MTUS2: variants seen among roughly 807,000 people sequenced by gnomAD.
MTUS2 encodes the protein microtubule associated scaffold protein 2, also known as microtubule-associated tumor suppressor candidate 2.
A neutral mutation model predicts 114.1 loss-of-function variants in MTUS2; 40 were observed. That is an observed-to-expected ratio of 0.35 (90% CI 0.27 to 0.46). MTUS2 has a LOEUF of 0.46. Ranked by LOEUF, MTUS2 falls within the 20% of genes least tolerant of loss-of-function variation. MTUS2 has a pLI of 1.00. For synonymous variants in MTUS2, 688 were observed against 672.0 expected (o/e 1.02, Z -0.37); for missense variants, 1,679 against 1,705.4 (o/e 0.98, Z 0.27).
intron 2 of MTUS2, among the ~76,000 whole-genome samples, chr13:28,937,618 C>G (rs1881979523): frequency 6.6e-6 from 1 of 152,192 alleles, no homozygotes; most frequent in African/African-American, 2.4e-5. Flanking sequence ...CAGTTTCACA[C>G]CGCCTGATGG....
intron 4 of MTUS2, among the ~76,000 whole-genome samples, chr13:29,081,379 A>C (rs1284036526): frequency 1.3e-5 from 2 of 152,090 alleles, no homozygotes; most frequent in Non-Finnish European, 2.9e-5. Context: ...CGACTAAAAC[A>C]TACTATATAT....
intron 5 of MTUS2, among the ~76,000 whole-genome samples, chr13:29,110,857 T>C (rs942186465): frequency 6.6e-6 from 1 of 152,200 alleles, no homozygotes; most frequent in Non-Finnish European, 1.5e-5. Context: ...ATTCAATATG[T>C]TTAATGAAGA....
chr13:28,891,830 A>T (rs1235680460), intron 2 of MTUS2, among the ~76,000 whole-genome samples: 1 of 144,506 alleles, frequency 6.9e-6, no homozygotes, highest in Non-Finnish European at 1.5e-5. Context: ...GTGAGCCGAG[A>T]TCACGCCACT....
At chr13:29,082,282 G>A (rs1241968257) in intron 4 of MTUS2, among the ~76,000 whole-genome samples, 2 of 152,158 alleles carry the variant, frequency 1.3e-5, no homozygotes, top group African/African-American at 4.8e-5. Context: ...AATGTCTGTT[G>A]TTTAAGCCAC....
intron 8 of MTUS2, among the ~76,000 whole-genome samples, chr13:29,423,216 C>T (rs887880092): frequency 6.6e-6 from 1 of 152,186 alleles, no homozygotes; most frequent in African/African-American, 2.4e-5. Context: ...GCCCAAGGCC[C>T]CATGCTGATT....
intron 2 of MTUS2, among the ~76,000 whole-genome samples, chr13:28,871,828 A>G (rs558042748): frequency 2.1e-4 from 32 of 152,290 alleles, no homozygotes; most frequent in African/African-American, 5.8e-4. Context: ...TGTCATGCAA[A>G]AGAGCCCACC....
At chr13:29,318,315 C>T (rs1900098257) in intron 6 of MTUS2, among the ~76,000 whole-genome samples, 1 of 142,352 alleles carries the variant, frequency 7.0e-6, no homozygotes, top group Non-Finnish European at 1.5e-5. Context: ...ATAGCATTCT[C>T]TTAAATCTTG....
chr13:29,221,130 A>G (rs1156478102), intron 5 of MTUS2, among the ~76,000 whole-genome samples: 1 of 152,126 alleles, frequency 6.6e-6, no homozygotes, highest in Non-Finnish European at 1.5e-5. Context: ...TTAGCTTCTC[A>G]CCTGCCTGTG....
At chr13:29,158,358 C>CCCCCCCCTTCT in intron 5 of MTUS2, among the ~76,000 whole-genome samples, 4 of 32,048 alleles carry the variant, frequency 1.2e-4, no homozygotes, top group African/African-American at 4.1e-4. Context: ...GTCCACCCCG[C>CCCCCCCCTTCT]TTTTTTTTTT....
At chr13:29,492,570 T>TA (rs1882265328) in intron 11 of MTUS2, 76 bp from the exon 12 acceptor site, 5 of 1,219,824 alleles carry the variant, frequency 4.1e-6, no homozygotes, top group East Asian at 2.3e-5. Flanking sequence ...TCACAGGTCT[T>TA]AAGTCTGCCA....
intron 8 of MTUS2, among the ~76,000 whole-genome samples, chr13:29,383,781 A>C (rs1872430655): frequency 6.6e-6 from 1 of 152,188 alleles, no homozygotes; most frequent in African/African-American, 2.4e-5. Flanking sequence ...AATCTGCTGG[A>C]AAAGGAGATG....
intron 1 of MTUS2, among the ~76,000 whole-genome samples, chr13:28,834,170 A>G (rs1282036897): frequency 4.6e-5 from 7 of 152,118 alleles, no homozygotes; most frequent in Admixed American, 1.3e-4. Flanking sequence ...TAAATTGAAA[A>G]GCTGATCCTC....
chr13:29,047,400 A>G (rs572263512), intron 4 of MTUS2, among the ~76,000 whole-genome samples: 2 of 152,280 alleles, frequency 1.3e-5, no homozygotes, highest in East Asian at 1.9e-4. Context: ...TGATGCCGGC[A>G]TTTTGATAAA....
intron 2 of MTUS2, among the ~76,000 whole-genome samples, chr13:28,896,524 C>T (rs567466146): frequency 6.6e-6 from 1 of 152,332 alleles, no homozygotes; most frequent in Admixed American, 6.5e-5. Context: ...CTACCAATGA[C>T]TTTCTTCACA....
At chr13:28,862,894 A>G (rs1369657165) in intron 2 of MTUS2, among the ~76,000 whole-genome samples, 2 of 152,234 alleles carry the variant, frequency 1.3e-5, no homozygotes, top group Non-Finnish European at 2.9e-5. Context: ...ATTTCCCAGT[A>G]GAGTCATGGT....
Position 29,317,520 on chromosome 13 carries a change from G to T in MTUS2, c.2807-7093G>T, listed in dbSNP as rs1158874437. The stretch of plus-strand genomic sequence containing the variant: ...GTGGCGCAATCTCGGCTCACTGCAA[G>T]CTCCGCTTCCCGGGTTCACGCCATT... On this transcript the variant is annotated intron_variant, in intron 6 of 15. Transcript: ENST00000612955. Among the ~76,000 whole-genome samples, 3 of 14,152 alleles carry T rather than the reference G, an allele frequency of 2.1e-4. 1 individual carries two copies. The highest frequency in any genetic ancestry group is 4.5e-4 in the African/African-American group (3 of 6,682). 9.3% of individuals were successfully genotyped at this position (14,152 alleles called of 152,430 possible).
chr13:29,350,971 A>ATATATATATATATATATATATATATATC (rs1869208372), intron 7 of MTUS2, among the ~76,000 whole-genome samples: 2 of 125,104 alleles, frequency 1.6e-5, no homozygotes, highest in Non-Finnish European at 3.0e-5. Flanking sequence ...ATATATATAT[A>ATATATATATATATATATATATATATATC]TATATATATA....
chr13:29,326,284 C>A (rs1420109508), intron 7 of MTUS2, among the ~76,000 whole-genome samples: 1 of 152,160 alleles, frequency 6.6e-6, no homozygotes, highest in East Asian at 1.9e-4. Context: ...CCACTGTGCT[C>A]TGAAAATCCA....
chr13:29,303,280 C>T (rs1899289983), intron 6 of MTUS2, among the ~76,000 whole-genome samples: 1 of 152,160 alleles, frequency 6.6e-6, no homozygotes, highest in South Asian at 2.1e-4. Flanking sequence ...GCAGCAAGGA[C>T]ACAGAACTGG....
Sources: allele counts gnomAD v4.1 joint callset (sites outside exome capture counted in the v4.1 genomes callset), GRCh38; gene constraint gnomAD v4.1.1; transcripts MANE v1.5; gene names NCBI Gene and HGNC (gene_info 2026-07-23, HGNC 2026-07-21).